Variants in PHACTR1 observed in about 807,000 individuals in gnomAD.
The protein encoded by PHACTR1 is phosphatase and actin regulator 1.
Under a neutral mutation model 69.2 loss-of-function variants are expected in PHACTR1, and 16 were observed. The observed-to-expected ratio is 0.23, with a 90% CI of 0.16 to 0.35. The LOEUF is 0.35. Among genes scored for constraint, PHACTR1 ranks in the 10% least tolerant of loss-of-function variants. The pLI is 1.00. For missense variants in PHACTR1, 510 were observed against 734.7 expected, an observed-to-expected ratio of 0.69 and a Z score of 3.54; for synonymous variants, 312 against 284.5, an observed-to-expected ratio of 1.10 and a Z score of -0.97.
chr6:13,025,940 C>T (rs1459939065), intron 4 of PHACTR1, among the ~76,000 whole-genome samples: 1 of 152,158 alleles, frequency 6.6e-6, no homozygotes, highest in Non-Finnish European at 1.5e-5. Flanking sequence ...AGTCCCTGTG[C>T]TCTCCTCTTA....
intron 4 of PHACTR1, among the ~76,000 whole-genome samples, chr6:12,952,972 A>T (rs1311353088): frequency 6.6e-6 from 1 of 152,280 alleles, no homozygotes; most frequent in South Asian, 2.1e-4. Context: ...AAAAAGGCTG[A>T]ATGTCAGGTC....
chr6:12,748,008 T>TA (rs1766026002), intron 3 of PHACTR1, among the ~76,000 whole-genome samples: 1 of 152,172 alleles, frequency 6.6e-6, no homozygotes, highest in Admixed American at 6.5e-5. Context: ...ACTAAGTATT[T>TA]CAGAGAAGCT....
intron 4 of PHACTR1, among the ~76,000 whole-genome samples, chr6:12,965,732 C>A (rs527610139): frequency 6.6e-6 from 1 of 152,154 alleles, no homozygotes; most frequent in Non-Finnish European, 1.5e-5. Flanking sequence ...CTGAAGAAAA[C>A]GTGCTCACGG....
rs1235093209 is a variant in PHACTR1 at position 13,245,598 on chromosome 6, C to G, written c.1391+15405C>G. On this transcript the variant is annotated intron_variant, in intron 10 of 14. Transcript: ENST00000332995. This position sits in a 1 kb window ranked among gnomAD's most constrained non-coding sequence, Gnocchi z 4.1. ...TAGTTTGCAAATATTTTCTCCCATT[C>G]TGTAGCTTGTCTGTTTACTCTGTTG... Among the ~76,000 whole-genome samples, 1 of 152,134 alleles carries G rather than the reference C, an allele frequency of 6.6e-6. No homozygotes were observed. The highest frequency in any genetic ancestry group is 2.4e-5 in the African/African-American group (1 of 41,430).
intron 4 of PHACTR1, among the ~76,000 whole-genome samples, chr6:12,977,385 C>T (rs1313488661): frequency 2.4e-5 from 2 of 82,850 alleles, no homozygotes; most frequent in Admixed American, 2.2e-4. Context: ...CTCTTTCACA[C>T]ACACACACAC....
chr6:13,214,848 T>A (rs1162794728), intron 8 of PHACTR1, among the ~76,000 whole-genome samples: 1 of 152,238 alleles, frequency 6.6e-6, no homozygotes, highest in Non-Finnish European at 1.5e-5. Flanking sequence ...TCAATAGATA[T>A]TTTTAATGAT....
chr6:13,220,972 A>G (rs1464289626), intron 8 of PHACTR1, among the ~76,000 whole-genome samples: 1 of 152,198 alleles, frequency 6.6e-6, no homozygotes, highest in African/African-American at 2.4e-5. Flanking sequence ...CTGTAATTAT[A>G]ACATAATGTG....
At chr6:13,088,379 C>G (rs1158654897) in intron 5 of PHACTR1, among the ~76,000 whole-genome samples, 1 of 150,368 alleles carries the variant, frequency 6.7e-6, no homozygotes, top group Non-Finnish European at 1.5e-5. Flanking sequence ...AGCTGATTCT[C>G]CATTTCACCC....
intron 5 of PHACTR1, among the ~76,000 whole-genome samples, chr6:13,115,735 A>G (rs1817719125): frequency 6.6e-6 from 1 of 152,200 alleles, no homozygotes; most frequent in Admixed American, 6.5e-5. Flanking sequence ...AGATAATGGA[A>G]AAATGCATGT....
rs1761936281 is a variant in PHACTR1, at chr6:13,179,725, TA to T, written c.497-2793del. On this transcript the variant is annotated intron_variant, in intron 6 of 14. Coordinates refer to ENST00000332995, the MANE Select transcript of PHACTR1 (RefSeq NM_030948.6). This position sits in a 1 kb window ranked among gnomAD's most constrained non-coding sequence, Gnocchi z 4.2. The stretch of plus-strand genomic sequence containing the variant: ...AGAGATAGATAGATAGATAGATAGA[TA>T]GATAGATAGATAGATAGATAGACAG... Among the ~76,000 whole-genome samples the T allele has an allele frequency of 6.7e-6, 1 of 148,752 alleles. No homozygotes were observed. The highest frequency in any genetic ancestry group is 1.5e-5 in the Non-Finnish European group (1 of 67,814).
At chr6:13,152,521 T>C (rs1382899808) in intron 5 of PHACTR1, among the ~76,000 whole-genome samples, 3 of 152,178 alleles carry the variant, frequency 2.0e-5, no homozygotes, top group Non-Finnish European at 2.9e-5. Context: ...CTAGAACTAC[T>C]GTCACTGTTA....
chr6:12,826,937 T>C (rs1319361648), intron 4 of PHACTR1, among the ~76,000 whole-genome samples: 2 of 152,216 alleles, frequency 1.3e-5, no homozygotes. Flanking sequence ...AAGAATTGAA[T>C]GCTAAGAACA....
intron 3 of PHACTR1, among the ~76,000 whole-genome samples, chr6:12,738,916 T>C (rs1764674974): frequency 6.6e-6 from 1 of 152,166 alleles, no homozygotes; most frequent in African/African-American, 2.4e-5. Context: ...ATTCTGAATT[T>C]ATTATATTAT....
chr6:12,833,653 AGTTATTTACT>A (rs1012175628), intron 4 of PHACTR1, among the ~76,000 whole-genome samples: 13 of 152,196 alleles, frequency 8.5e-5, no homozygotes, highest in Non-Finnish European at 1.5e-4. Context: ...TTCTCATCCC[AGTTATTTACT>A]GGTCTCCTGC....
intron 4 of PHACTR1, among the ~76,000 whole-genome samples, chr6:12,824,708 C>A (rs1173705428): frequency 1.3e-5 from 2 of 152,258 alleles, no homozygotes; most frequent in African/African-American, 2.4e-5. Flanking sequence ...TCTTCTCAAC[C>A]ATGTCATAAT....
chr6:13,014,160 G>GGGCGGC (rs1313684625), intron 4 of PHACTR1, among the ~76,000 whole-genome samples: 1 of 152,012 alleles, frequency 6.6e-6, no homozygotes, highest in Non-Finnish European at 1.5e-5. Context: ...GGGCCCGTCG[G>GGGCGGC]GGCGGCGGCG....
intron 4 of PHACTR1, among the ~76,000 whole-genome samples, chr6:12,808,395 G>T (rs1275327500): frequency 1.3e-5 from 2 of 152,110 alleles, no homozygotes; most frequent in African/African-American, 4.8e-5. Flanking sequence ...CATTCACTTT[G>T]TTCCAACAAA....
chr6:12,817,642 A>G (rs1192512750), intron 4 of PHACTR1, among the ~76,000 whole-genome samples: 1 of 152,206 alleles, frequency 6.6e-6, no homozygotes, highest in Non-Finnish European at 1.5e-5. Context: ...TTACTGATAC[A>G]GCCTCCTGAA....
intron 10 of PHACTR1, among the ~76,000 whole-genome samples, chr6:13,252,212 CAAAA>C (rs537782699): frequency 1.4e-3 from 104 of 73,750 alleles, no homozygotes; most frequent in African/African-American, 5.0e-3. Context: ...CCTGCCTTTA[CAAAA>C]AAAAAAAAAT....
Sources: allele counts gnomAD v4.1 joint callset (sites outside exome capture counted in the v4.1 genomes callset), GRCh38; gene constraint gnomAD v4.1.1; non-coding constraint Gnocchi (gnomAD v3.1); transcripts MANE v1.5; gene names NCBI Gene and HGNC (gene_info 2026-07-23, HGNC 2026-07-21).